Variants in ENPP2 observed in about 807,000 individuals in gnomAD.
ENPP2 encodes ectonucleotide pyrophosphatase/phosphodiesterase 2.
Under a neutral mutation model 120.2 loss-of-function variants are expected in ENPP2, and 51 were observed. That is an observed-to-expected ratio of 0.42 (90% CI 0.34 to 0.54). ENPP2 has a LOEUF of 0.54. ENPP2 is among the 20% of genes least tolerant of loss of function. The pLI is 0.04. For synonymous variants in ENPP2, 365 were observed against 366.4 expected, an observed-to-expected ratio of 1.00 and a Z score of 0.04; for missense variants, 920 against 1,066.5, an observed-to-expected ratio of 0.86 and a Z score of 1.91.
chr8:119,562,350 G>A (rs1814032846), intron 24 of ENPP2, among the ~76,000 whole-genome samples: 2 of 152,172 alleles, frequency 1.3e-5, no homozygotes, highest in South Asian at 4.1e-4. Context: ...GGCTGAGGCA[G>A]GAGAATCACT....
intron 18 of ENPP2, 97 bp downstream of exon 18, chr8:119,582,321 A>G: frequency 2.2e-6 from 2 of 925,398 alleles, no homozygotes; most frequent in Non-Finnish European, 3.3e-6. Context: ...GGACAGCATA[A>G]TTATAGACCA....
At chr8:119,611,353 C>T (rs572411411) in intron 8 of ENPP2, among the ~76,000 whole-genome samples, 14 of 152,286 alleles carry the variant, frequency 9.2e-5, no homozygotes, top group Admixed American at 1.3e-4. Context: ...ACCAGGGGAT[C>T]GGTGGAGCAC....
intron 11 of ENPP2, among the ~76,000 whole-genome samples, chr8:119,597,639 G>A (rs1246084168): frequency 6.6e-6 from 1 of 152,162 alleles, no homozygotes; most frequent in African/African-American, 2.4e-5. Flanking sequence ...GCCAGCCAAA[G>A]CTCTGCCTGT....
In ENPP2 at chr8:119,570,712, G is replaced by A; in HGVS notation, c.1910C>T (p.Ser637Phe). The A allele has an allele frequency of 5.2e-6, 8 of 1,544,992 alleles. No homozygotes were observed. Among genetic ancestry groups the A allele is most frequent in the Non-Finnish European group, 7.0e-6 (8 of 1,145,652 alleles). The change falls in exon 20 of 25, where the codon TCC becomes TTC. Residue 637 changes from serine (S) to phenylalanine (F), a missense_variant. Ser to Phe is a radical substitution (Grantham distance 155, BLOSUM62 -2). Transcript: ENST00000075322. ...LMPLWTSYTV[S>F]KQAEVSSVPD... ...TCCAATTTTCTCAATGACCTGTTTG[G>A]AAACAGTATATGATGTCCAGAGTGG...
intron 3 of ENPP2, among the ~76,000 whole-genome samples, chr8:119,623,048 A>G (rs1816016595): frequency 6.6e-6 from 1 of 152,170 alleles, no homozygotes; most frequent in African/African-American, 2.4e-5. Context: ...ATACATATGA[A>G]CACTTCAGGT....
intron 19 of ENPP2, among the ~76,000 whole-genome samples, chr8:119,577,688 T>G (rs1409493716): frequency 6.6e-6 from 1 of 152,204 alleles, no homozygotes; most frequent in South Asian, 2.1e-4. Context: ...GCATGAGCTA[T>G]TCTAGATTCC....
chr8:119,657,176 C>A (rs969012059), intron 1 of ENPP2, among the ~76,000 whole-genome samples: 1 of 152,126 alleles, frequency 6.6e-6, no homozygotes, highest in Non-Finnish European at 1.5e-5. Context: ...CCACCCTCCT[C>A]GGCCTCCCAA....
At chr8:119,662,357 T>C (rs1048500818) in intron 1 of ENPP2, among the ~76,000 whole-genome samples, 15 of 152,184 alleles carry the variant, frequency 9.9e-5, no homozygotes, top group African/African-American at 3.4e-4. Context: ...TGCATAGATA[T>C]ATAAATAAAT....
In ENPP2 at chr8:119,593,723, C is replaced by G. The variant is rs1156970051; in HGVS notation, c.1081+29G>C. The G allele has an allele frequency of 3.1e-6, 4 of 1,282,878 alleles. 1 individual carries two copies. The Middle Eastern group carries it at 5.6e-4, about 178-fold the overall frequency. The allele number at this position is 1,282,878 out of a possible 1,614,324, so 79.5% of individuals were successfully genotyped here. ...TGATCAGAAACATTATCCATCTATC[C>G]TATTAGCAAAGAAAAAACAAAGCTT... is the stretch of plus-strand genomic sequence containing the variant. On this transcript the variant is annotated intron_variant, in intron 12 of 24. Coordinates refer to ENST00000075322, the MANE Select transcript of ENPP2 (RefSeq NM_001040092.3).
At chr8:119,565,487 A>C (rs1011403009) in intron 22 of ENPP2, among the ~76,000 whole-genome samples, 2 of 152,272 alleles carry the variant, frequency 1.3e-5, no homozygotes, top group South Asian at 2.1e-4. Context: ...AAGCAAAAGA[A>C]TTTTAATGTT....
chr8:119,620,830 C>T (rs78818856), intron 4 of ENPP2, among the ~76,000 whole-genome samples: 6,680 of 152,254 alleles, frequency 0.044, 216 homozygotes, highest in East Asian at 0.11. Context: ...ATCCCCTTTA[C>T]CAGCAAGTAC....
chr8:119,621,486 C>A lies in ENPP2; in HGVS notation c.326G>T (p.Gly109Val). The A allele has an allele frequency of 1.2e-6, 2 of 1,613,520 alleles. No individual in the cohort carries two copies. Among genetic ancestry groups the A allele is most frequent in the Non-Finnish European group, 1.7e-6 (2 of 1,179,536 alleles). ...GGCATTTTCTTCATTTCTGACTTCT[C>A]CACATCTGTCCTTAGTACACTCCCA... ...RGWECTKDRC[G>V]EVRNEENACH... Residue 109 changes from glycine (G) to valine (V), a missense_variant, in exon 4 of 25, where the codon GGA (glycine) becomes GTA (valine). Coordinates refer to ENST00000075322, the MANE Select transcript of ENPP2 (RefSeq NM_001040092.3).
At chr8:119,591,375 A>G (rs1813493623) in intron 12 of ENPP2, among the ~76,000 whole-genome samples, 1 of 152,252 alleles carries the variant, frequency 6.6e-6, no homozygotes, top group African/African-American at 2.4e-5. Flanking sequence ...CCTCCACCCC[A>G]AGATTTGTTG....
At chr8:119,667,312 C>T (rs540001424) in intron 1 of ENPP2, among the ~76,000 whole-genome samples, 3 of 152,304 alleles carry the variant, frequency 2.0e-5, no homozygotes, top group South Asian at 2.1e-4. Context: ...GCTATCAAGC[C>T]TTTGCTTAAA....
In ENPP2 at chr8:119,584,042, A is replaced by C; in HGVS notation, c.1375T>G (p.Leu459Val). The change falls in exon 16 of 25, where the codon TTG becomes GTG. Residue 459 changes from leucine to valine, a missense_variant. Transcript: ENST00000075322. ...CCTGATGGTTTCTTATAAACATCCA[A>C]AGGTTTCCTAAATTGAAACAATTTC... is the stretch of plus-strand genomic sequence containing the variant. ...ERRWHVARKP[L>V]DVYKKPSGKC... 1 of 1,604,354 alleles carries C rather than the reference A, an allele frequency of 6.2e-7. No homozygotes were observed. Among genetic ancestry groups the C allele is most frequent in the Non-Finnish European group, 8.5e-7 (1 of 1,171,982 alleles).
At chr8:119,603,766 T>C (rs765200374) in intron 9 of ENPP2, among the ~76,000 whole-genome samples, 3 of 152,188 alleles carry the variant, frequency 2.0e-5, no homozygotes, top group Non-Finnish European at 4.4e-5. Flanking sequence ...TAAGGGCATA[T>C]TGGGTTTAAG....
chr8:119,672,194 G>C (rs16892938), intron 1 of ENPP2, among the ~76,000 whole-genome samples: 21,659 of 152,104 alleles, frequency 0.14, 1,940 homozygotes, highest in African/African-American at 0.24. Flanking sequence ...GTGGGAAGAG[G>C]AGCAGAAAAC....
At chr8:119,595,217 G>A (rs1425393336) in intron 11 of ENPP2, among the ~76,000 whole-genome samples, 1 of 152,156 alleles carries the variant, frequency 6.6e-6, no homozygotes, top group Admixed American at 6.6e-5. Context: ...ACTTCTTAGG[G>A]ATCAGTTCAG....
intron 11 of ENPP2, among the ~76,000 whole-genome samples, chr8:119,595,229 G>A (rs1813803395): frequency 6.6e-6 from 1 of 152,138 alleles, no homozygotes; most frequent in South Asian, 2.1e-4. Context: ...TCAGTTCAGA[G>A]GATCACAAAT....
Sources: gnomAD v4.1 joint callset for allele counts (sites outside exome capture counted in the v4.1 genomes callset) on GRCh38, gnomAD v4.1.1 for gene constraint, MANE v1.5 for transcripts, NCBI Gene and HGNC (gene_info 2026-07-23, HGNC 2026-07-21) for gene names.